GRID2: variants seen among roughly 807,000 people sequenced by gnomAD.
GRID2 encodes glutamate receptor ionotropic, delta-2.
A neutral mutation model predicts 114.8 loss-of-function variants in GRID2; 33 were observed. The observed-to-expected ratio is 0.29, with a 90% CI of 0.22 to 0.38. The LOEUF is 0.38. GRID2 is among the 10% of genes least tolerant of loss of function. GRID2 has a pLI of 1.00. For missense variants in GRID2, 1,184 were observed against 1,257.7 expected (o/e 0.94, Z 0.89); for synonymous variants, 505 against 449.9 (o/e 1.12, Z -1.55).
chr4:92,357,480 C>G (rs1034867243), intron 1 of GRID2, among the ~76,000 whole-genome samples: 1 of 151,802 alleles, frequency 6.6e-6, no homozygotes, highest in Non-Finnish European at 1.5e-5. Context: ...AGTACTTTCA[C>G]TCTGTTGGTA....
intron 2 of GRID2, among the ~76,000 whole-genome samples, chr4:92,882,166 G>A (rs746213711): frequency 6.6e-6 from 1 of 152,008 alleles, no homozygotes; most frequent in Non-Finnish European, 1.5e-5. Context: ...GATATTTTTT[G>A]TCTTTAGTTC....
At chr4:93,167,919 T>G (rs1223313472) in intron 4 of GRID2, among the ~76,000 whole-genome samples, 1 of 152,000 alleles carries the variant, frequency 6.6e-6, no homozygotes, top group African/African-American at 2.4e-5. Context: ...TATGGTTGGG[T>G]GCAGTGGCTC....
intron 2 of GRID2, among the ~76,000 whole-genome samples, chr4:92,844,049 T>TAGA (rs1743111447): frequency 6.6e-6 from 1 of 152,150 alleles, no homozygotes; most frequent in Non-Finnish European, 1.5e-5. Flanking sequence ...ATAAAAAAAC[T>TAGA]TTATTGATAA....
chr4:93,308,125 C>T (rs929631405), intron 8 of GRID2, among the ~76,000 whole-genome samples: 2 of 151,996 alleles, frequency 1.3e-5, no homozygotes, highest in African/African-American at 4.8e-5. Context: ...GCCATAATAA[C>T]AAAAATGGAC....
At chr4:93,215,263 T>C (rs528033915) in intron 5 of GRID2, among the ~76,000 whole-genome samples, 1 of 152,148 alleles carries the variant, frequency 6.6e-6, no homozygotes, top group African/African-American at 2.4e-5. Context: ...ACTTAGTTAA[T>C]GTTATGAGAA....
At chr4:92,723,592 A>G (rs1735915672) in intron 2 of GRID2, among the ~76,000 whole-genome samples, 1 of 152,154 alleles carries the variant, frequency 6.6e-6, no homozygotes, top group Non-Finnish European at 1.5e-5. Flanking sequence ...CTGTACTTTG[A>G]GGCATTAGGT....
chr4:93,322,034 ATTTC>A (rs1757275936), intron 8 of GRID2, among the ~76,000 whole-genome samples: 1 of 148,024 alleles, frequency 6.8e-6, no homozygotes, highest in Admixed American at 6.7e-5. Flanking sequence ...ATTTTTTCTT[ATTTC>A]TTTTTTTTTC....
intron 2 of GRID2, among the ~76,000 whole-genome samples, chr4:92,699,592 A>G (rs1254412060): frequency 1.3e-5 from 2 of 152,218 alleles, no homozygotes; most frequent in African/African-American, 2.4e-5. Flanking sequence ...TTTCATTAGT[A>G]AACTTCTCTT....
In GRID2 at chr4:93,772,523, T is replaced by C. The variant is rs1353890296; in HGVS notation, c.*25T>C. 9.9e-6 allele frequency: 15 copies of C among 1,514,560 alleles called. No homozygotes were observed. The highest frequency in any genetic ancestry group is 2.1e-5 in the Admixed American group (1 of 47,850). 93.8% of individuals were successfully genotyped at this position (1,514,560 alleles called of 1,614,324 possible). Reference sequence around the variant, plus strand: ...AGCATCAAACAAATCTCTTCACTGTTTCTTTTTTAGGACTCCCTTTGCAAG... The same window carrying C: ...AGCATCAAACAAATCTCTTCACTGTCTCTTTTTTAGGACTCCCTTTGCAAG... On this transcript the variant is annotated 3_prime_UTR_variant, in exon 16 of 16. Coordinates refer to ENST00000282020, the MANE Select transcript of GRID2 (RefSeq NM_001510.4).
At chr4:93,305,203 A>G (rs1329575618) in intron 8 of GRID2, among the ~76,000 whole-genome samples, 1 of 152,198 alleles carries the variant, frequency 6.6e-6, no homozygotes, top group Non-Finnish European at 1.5e-5. Flanking sequence ...AGCTGTAGCT[A>G]AGAGCACCTT....
At chr4:92,482,015 T>C (rs1453052848) in intron 1 of GRID2, among the ~76,000 whole-genome samples, 1 of 65,054 alleles carries the variant, frequency 1.5e-5, no homozygotes, top group African/African-American at 5.2e-5. Flanking sequence ...TATATATATA[T>C]ATATATATAT....
At chr4:93,696,324 A>T (rs1727016184) in intron 14 of GRID2, among the ~76,000 whole-genome samples, 1 of 152,168 alleles carries the variant, frequency 6.6e-6, no homozygotes, top group African/African-American at 2.4e-5. Context: ...CTTTGCATTC[A>T]GTTTCTTCCA....
chr4:92,410,704 G>T (rs1243663011), intron 1 of GRID2, among the ~76,000 whole-genome samples: 1 of 152,082 alleles, frequency 6.6e-6, no homozygotes, highest in Non-Finnish European at 1.5e-5. Context: ...TAGCAATACA[G>T]ATTAATAATC....
chr4:93,206,351 C>A (rs1296778776), intron 4 of GRID2, among the ~76,000 whole-genome samples: 1 of 151,662 alleles, frequency 6.6e-6, no homozygotes, highest in Admixed American at 6.6e-5. Context: ...CTCGGTAGAA[C>A]AAAGAATAGC....
At chr4:92,811,948 A>G (rs1047957187) in intron 2 of GRID2, among the ~76,000 whole-genome samples, 4 of 152,118 alleles carry the variant, frequency 2.6e-5, no homozygotes, top group African/African-American at 9.7e-5. Flanking sequence ...GAAAGGCAGT[A>G]CCAGTAAGGA....
intron 2 of GRID2, among the ~76,000 whole-genome samples, chr4:92,763,402 G>A (rs947153057): frequency 6.6e-6 from 1 of 152,046 alleles, no homozygotes; most frequent in African/African-American, 2.4e-5. Context: ...CCCAGGTTCT[G>A]CATCCCAGGA....
At chr4:92,484,364 C>T (rs1722763995) in intron 1 of GRID2, among the ~76,000 whole-genome samples, 1 of 152,068 alleles carries the variant, frequency 6.6e-6, no homozygotes, top group South Asian at 2.1e-4. Flanking sequence ...GATAAAATGT[C>T]ATTTCTGACT....
At chr4:93,594,369 G>A (rs1393447702) in intron 13 of GRID2, among the ~76,000 whole-genome samples, 2 of 152,194 alleles carry the variant, frequency 1.3e-5, no homozygotes, top group Non-Finnish European at 2.9e-5. Flanking sequence ...GCTGCTCGGG[G>A]GTCAGGGGTC....
chr4:92,946,759 G>A (rs115730293), intron 2 of GRID2, among the ~76,000 whole-genome samples: 42 of 152,130 alleles, frequency 2.8e-4, no homozygotes, highest in South Asian at 2.3e-3. Context: ...ATGCAGCATC[G>A]TTCAAAGTCA....
Sources: allele counts gnomAD v4.1 joint callset (sites outside exome capture counted in the v4.1 genomes callset), GRCh38; gene constraint gnomAD v4.1.1; transcripts MANE v1.5; gene names NCBI Gene and HGNC (gene_info 2026-07-23, HGNC 2026-07-21).